Variants in RBFOX1 observed in about 807,000 individuals in gnomAD.
The protein encoded by RBFOX1 is RNA binding fox-1 homolog 1.
In RBFOX1, 8 loss-of-function variants were observed where a neutral mutation model predicts 57.7. The observed-to-expected ratio is 0.14, with a 90% CI of 0.08 to 0.25. RBFOX1 has a LOEUF of 0.25. Among genes scored for constraint, RBFOX1 ranks in the 10% least tolerant of loss-of-function variants. The pLI is 1.00. For synonymous variants in RBFOX1, 326 were observed against 222.4 expected, an observed-to-expected ratio of 1.47 and a Z score of -4.15; for missense variants, 611 against 548.5, an observed-to-expected ratio of 1.11 and a Z score of -1.14.
rs181813722 is a variant in RBFOX1 at position 7,555,967 on chromosome 16, T to C, written c.271-23810T>C. On this transcript the variant is annotated intron_variant, in intron 5 of 15. Transcript: ENST00000550418. The stretch of plus-strand genomic sequence containing the variant: ...TTCCTTGAGAGGAGGGATTTTTTCC[T>C]GTTTTCTCCACGATGCATTTCCAAC... 3.9e-5 allele frequency among the ~76,000 whole-genome samples: 6 copies of C among 152,042 alleles called. No individual in the cohort carries two copies. In the East Asian group the frequency reaches 9.6e-4, roughly 24 times the overall value.
intron 4 of RBFOX1, among the ~76,000 whole-genome samples, chr16:7,507,767 G>C (rs1273527558): frequency 6.6e-6 from 1 of 151,872 alleles, no homozygotes; most frequent in African/African-American, 2.4e-5. Flanking sequence ...GTTTCACCGT[G>C]TTAGCCAGGA....
chr16:5,904,520 G>A (rs1350279991), intron 4 of RBFOX1, among the ~76,000 whole-genome samples: 1 of 151,908 alleles, frequency 6.6e-6, no homozygotes, highest in African/African-American at 2.4e-5. Context: ...GGTGGTGGGA[G>A]TGGGTAGGCG....
chr16:6,002,976 G>A (rs1567243155), intron 4 of RBFOX1, among the ~76,000 whole-genome samples: 1 of 152,050 alleles, frequency 6.6e-6, no homozygotes, highest in Non-Finnish European at 1.5e-5. Context: ...CCTCGTTGGG[G>A]GACACAAGAA....
In RBFOX1 at chr16:7,478,429, G is replaced by C. The variant is rs567384869; in HGVS notation, c.28-39718G>C. 2.0e-5 allele frequency among the ~76,000 whole-genome samples: 3 copies of C among 152,288 alleles called. No individual in the cohort carries two copies. The South Asian group carries it at 6.2e-4, about 32-fold the overall frequency. The stretch of plus-strand genomic sequence containing the variant: ...GAGTGGGAGGAGAGTTAGAGAAATA[G>C]TGTAGCAATCTGAGCTGCTGAAGAG... On this transcript the variant is annotated intron_variant, in intron 4 of 15. Coordinates refer to ENST00000550418, the MANE Select transcript of RBFOX1 (RefSeq NM_018723.4).
At chr16:7,310,341 G>C (rs1310878945) in intron 4 of RBFOX1, among the ~76,000 whole-genome samples, 3 of 152,192 alleles carry the variant, frequency 2.0e-5, no homozygotes, top group South Asian at 2.1e-4. Context: ...TTTCATGGTT[G>C]TTTCTGATCT....
At chr16:6,056,322 C>G (rs1567347027) in intron 1 of RBFOX1, among the ~76,000 whole-genome samples, 1 of 152,166 alleles carries the variant, frequency 6.6e-6, no homozygotes. Flanking sequence ...GTTTTGGAAT[C>G]TGGTAAGCAA....
intron 4 of RBFOX1, among the ~76,000 whole-genome samples, chr16:7,275,940 A>C (rs1035647283): frequency 2.0e-5 from 3 of 152,130 alleles, no homozygotes; most frequent in African/African-American, 7.2e-5. Flanking sequence ...TAATCTCCAA[A>C]CACCACCACC....
intron 3 of RBFOX1, among the ~76,000 whole-genome samples, chr16:5,694,164 C>A (rs573624243): frequency 2.6e-5 from 4 of 152,064 alleles, no homozygotes; most frequent in Non-Finnish European, 5.9e-5. Context: ...AATGTGTGGC[C>A]GGGGATTTTG....
At chr16:5,769,491 A>AG (rs1303227363) in intron 3 of RBFOX1, among the ~76,000 whole-genome samples, 2 of 151,728 alleles carry the variant, frequency 1.3e-5, no homozygotes, top group African/African-American at 4.9e-5. Flanking sequence ...AAAATACAAA[A>AG]AAAAAAAAAA....
In RBFOX1 at chr16:5,577,879, C is replaced by T. The variant is rs73519503; in HGVS notation, c.259-21023C>T. 3.3e-3 allele frequency among the ~76,000 whole-genome samples: 496 copies of T among 152,308 alleles called. 2 individuals are homozygous for T. Among genetic ancestry groups the T allele is most frequent in the African/African-American group, 0.011 (463 of 41,574 alleles). On this transcript the variant is annotated intron_variant, in intron 2 of 2. Coordinates refer to the RBFOX1 transcript ENST00000585867. ...TTTTGGTGCAGCCTAATATAAAGAGCCTCATGTTAGAGCAGAGGGGATGAG... is the reference window on the plus strand; with the variant it reads ...TTTTGGTGCAGCCTAATATAAAGAGTCTCATGTTAGAGCAGAGGGGATGAG...
intron 4 of RBFOX1, among the ~76,000 whole-genome samples, chr16:7,392,072 C>T (rs1213142033): frequency 6.6e-6 from 1 of 152,200 alleles, no homozygotes; most frequent in East Asian, 1.9e-4. Context: ...TAAGCCAGGC[C>T]AGAATTATTT....
At chr16:6,639,228 C>G (rs1602327095) in intron 2 of RBFOX1, among the ~76,000 whole-genome samples, 1 of 152,218 alleles carries the variant, frequency 6.6e-6, no homozygotes, top group East Asian at 1.9e-4. Flanking sequence ...AAATCTTGGA[C>G]TGCCCATTGG....
intron 4 of RBFOX1, among the ~76,000 whole-genome samples, chr16:5,948,314 G>C (rs1018001075): frequency 3.0e-4 from 45 of 152,308 alleles, no homozygotes; most frequent in African/African-American, 1.0e-3. Flanking sequence ...CAAAACATTT[G>C]TGGGAGACAC....
At chr16:7,192,430 A>G (rs2085640738) in intron 4 of RBFOX1, among the ~76,000 whole-genome samples, 1 of 152,230 alleles carries the variant, frequency 6.6e-6, no homozygotes, top group Admixed American at 6.5e-5. Context: ...TATAGAGGCC[A>G]GAAGGGTCCC....
intron 2 of RBFOX1, among the ~76,000 whole-genome samples, chr16:6,559,109 ATATG>A (rs2097144212): frequency 1.0e-5 from 1 of 96,060 alleles, no homozygotes. Flanking sequence ...TTATATATAC[ATATG>A]TGTGTGTGTG....
At chr16:5,285,137 C>G (rs953811436) in intron 1 of RBFOX1, among the ~76,000 whole-genome samples, 9 of 152,148 alleles carry the variant, frequency 5.9e-5, no homozygotes, top group Admixed American at 2.0e-4. Context: ...GTCATGTAGC[C>G]TTGCTTCACT....
intron 3 of RBFOX1, among the ~76,000 whole-genome samples, chr16:6,935,568 C>T (rs1030793556): frequency 2.6e-5 from 4 of 152,184 alleles, no homozygotes; most frequent in African/African-American, 4.8e-5. Context: ...GATCTGTTAT[C>T]CTTGAATATT....
intron 4 of RBFOX1, among the ~76,000 whole-genome samples, chr16:7,357,186 A>G (rs1390295890): frequency 6.6e-6 from 1 of 151,958 alleles, no homozygotes; most frequent in Non-Finnish European, 1.5e-5. Context: ...TTCTGCAAGC[A>G]TACACGCAGT....
chr16:7,457,512 G>T (rs546736028), intron 4 of RBFOX1, among the ~76,000 whole-genome samples: 1 of 152,170 alleles, frequency 6.6e-6, no homozygotes, highest in Non-Finnish European at 1.5e-5. Context: ...TTACTTAAGT[G>T]GTGAGATGTT....
Sources: allele counts gnomAD v4.1 joint callset (sites outside exome capture counted in the v4.1 genomes callset), GRCh38; gene constraint gnomAD v4.1.1; transcripts MANE v1.5; gene names NCBI Gene and HGNC (gene_info 2026-07-23, HGNC 2026-07-21).